SLC25A53: variants seen among roughly 807,000 people sequenced by gnomAD.
The protein encoded by SLC25A53 is mitochondrial carrier triple repeat protein 6.
Under a neutral mutation model 15.0 loss-of-function variants are expected in SLC25A53, and 5 were observed. That is an observed-to-expected ratio of 0.33 (90% confidence interval 0.17 to 0.70). The LOEUF (loss-of-function observed/expected upper bound fraction) is 0.70, where lower values mean the gene tolerates loss of function less well. Among genes scored for constraint, SLC25A53 ranks in the 30% least tolerant of loss-of-function variants. The pLI is 0.67. For synonymous variants in SLC25A53, 95 were observed against 100.0 expected (o/e 0.95, Z 0.30); for missense variants, 216 against 241.6 (o/e 0.89, Z 0.70).
Position 104,104,580 on chromosome X carries a change from G to A in SLC25A53, c.678C>T (p.Cys226=). Reference sequence around the variant, plus strand: ...GCACAATCAGAGGATACAGAACTAGGCAGGTGATTGTTCCATTGACACTAC... The same window carrying A: ...GCACAATCAGAGGATACAGAACTAGACAGGTGATTGTTCCATTGACACTAC... ...VSGSVNGTIT[C]LVLYPLIVLV... is the part of the protein sequence containing the mutation. The change falls in exon 2 of 2, where the codon TGC becomes TGT. Residue 226 remains cysteine (C), a synonymous_variant. Coordinates refer to ENST00000594199, the MANE Select transcript of SLC25A53 (RefSeq NM_001012755.5). 1 of 1,211,619 alleles carries A rather than the reference G, an allele frequency of 8.3e-7. No homozygotes were observed. Among genetic ancestry groups the A allele is most frequent in the Non-Finnish European group, 1.1e-6 (1 of 895,368 alleles).
At chrX:104,110,085 T>C (rs1216431324) in intron 1 of SLC25A53, among the ~76,000 whole-genome samples, 2 of 111,475 alleles carry the variant, frequency 1.8e-5, no homozygotes, top group Non-Finnish European at 3.8e-5. Context: ...CTTTACACAA[T>C]CCATTTCCTG....
intron 1 of SLC25A53, among the ~76,000 whole-genome samples, chrX:104,155,381 T>C (rs2075497295): frequency 9.0e-6 from 1 of 110,963 alleles, no homozygotes; most frequent in Non-Finnish European, 1.9e-5. Context: ...GAAATGTAAA[T>C]TCGGGGGTCC....
chrX:104,109,318 G>A, intron 1 of SLC25A53, among the ~76,000 whole-genome samples: 1 of 111,633 alleles, frequency 9.0e-6, no homozygotes, highest in East Asian at 2.8e-4. Flanking sequence ...AGGCAGCCCT[G>A]GGTTTGAATT....
At chrX:104,152,034 T>C (rs896671954) in intron 1 of SLC25A53, among the ~76,000 whole-genome samples, 2 of 106,189 alleles carry the variant, frequency 1.9e-5, no homozygotes, top group African/African-American at 3.3e-5. Flanking sequence ...CTTTGGAATA[T>C]GGACATGATA....
rs1398240746 is a variant in SLC25A53, at chrX:104,104,394, C to G, written c.864G>C (p.Thr288=). The G allele has an allele frequency of 8.3e-7, 1 of 1,211,500 alleles. No homozygotes were observed. The highest frequency in any genetic ancestry group is 1.1e-6 in the Non-Finnish European group (1 of 895,392). ...TCCTCTGCAGGAAGTCATGGATTGCCGTAGTGAGGCCCCATGTCACACTGG... is the reference window on the plus strand; with the variant it reads ...TCCTCTGCAGGAAGTCATGGATTGCGGTAGTGAGGCCCCATGTCACACTGG... ...LRSSVTWGLT[T]AIHDFLQRKS... The change falls in exon 2 of 2, where the codon ACG becomes ACC. Residue 288 remains threonine (T), a synonymous_variant. Coordinates refer to ENST00000594199, the MANE Select transcript of SLC25A53 (RefSeq NM_001012755.5).
chrX:104,134,365 T>C (rs1245407445), intron 1 of SLC25A53, among the ~76,000 whole-genome samples: 1 of 111,377 alleles, frequency 9.0e-6, no homozygotes, highest in Non-Finnish European at 1.9e-5. Context: ...GTGGAGACGA[T>C]AGGACAGAAA....
intron 1 of SLC25A53, chrX:104,113,946 C>A: frequency 1.2e-6 from 1 of 830,132 alleles, no homozygotes; most frequent in Non-Finnish European, 1.7e-6. Flanking sequence ...CAGACTGCTT[C>A]CCCACAGCCC....
intron 1 of SLC25A53, among the ~76,000 whole-genome samples, chrX:104,119,243 ATTC>A (rs2075386531): frequency 8.9e-6 from 1 of 112,444 alleles, no homozygotes; most frequent in Non-Finnish European, 1.9e-5. Flanking sequence ...TTATGTATTA[ATTC>A]TTCTTTAATC....
intron 1 of SLC25A53, among the ~76,000 whole-genome samples, chrX:104,144,905 G>A (rs1454765717): frequency 1.8e-5 from 2 of 111,456 alleles, no homozygotes; most frequent in East Asian, 2.8e-4. Flanking sequence ...AGATCAACGA[G>A]ACAGAAAATT....
chrX:104,130,308 C>G (rs1459930117), intron 1 of SLC25A53, among the ~76,000 whole-genome samples: 1 of 111,269 alleles, frequency 9.0e-6, no homozygotes, highest in Non-Finnish European at 1.9e-5. Context: ...CCCATTGAGC[C>G]CAGACAAGCT....
intron 1 of SLC25A53, among the ~76,000 whole-genome samples, chrX:104,116,609 C>T (rs1433030913): frequency 9.0e-6 from 1 of 111,316 alleles, no homozygotes; most frequent in Non-Finnish European, 1.9e-5. Context: ...AGGTTTCACA[C>T]AGAACCCTGG....
At chrX:104,149,177 T>A (rs891606018) in intron 1 of SLC25A53, among the ~76,000 whole-genome samples, 5 of 112,465 alleles carry the variant, frequency 4.4e-5, no homozygotes, top group African/African-American at 1.3e-4. Context: ...CTCTACCAAC[T>A]ATTTGCCTTC....
At chrX:104,126,951 A>G (rs1471323054) in intron 1 of SLC25A53, among the ~76,000 whole-genome samples, 3 of 112,595 alleles carry the variant, frequency 2.7e-5, no homozygotes, top group African/African-American at 9.7e-5. Context: ...GCAATTTCCT[A>G]TGAGACTAAA....
chrX:104,114,620 C>G (rs782792330), intron 1 of SLC25A53: 20 of 1,210,301 alleles, frequency 1.7e-5, no homozygotes, highest in Non-Finnish European at 2.1e-5. Flanking sequence ...GAGAAAGATG[C>G]AAACCAGACT....
chrX:104,142,777 TG>T (rs1191473255), intron 1 of SLC25A53, among the ~76,000 whole-genome samples: 1 of 107,947 alleles, frequency 9.3e-6, no homozygotes, highest in Non-Finnish European at 1.9e-5. Flanking sequence ...AAAAATTAAC[TG>T]GGCATGGTGG....
chrX:104,150,223 ACT>A (rs1435198265), intron 1 of SLC25A53, among the ~76,000 whole-genome samples: 2 of 102,048 alleles, frequency 2.0e-5, no homozygotes, highest in African/African-American at 7.3e-5. Flanking sequence ...ACAGAGCAAG[ACT>A]CTGTCTCAAA....
rs2075277395 is a variant in SLC25A53, at chrX:104,100,891, G to A, written c.*3443C>T. 1 of 111,562 alleles carries A rather than the reference G, an allele frequency of 9.0e-6. No individual in the cohort carries two copies. The highest frequency in any genetic ancestry group is 1.9e-5 in the Non-Finnish European group (1 of 53,158). The allele number at this position is 111,562 out of a possible 1,213,427, so 9.2% of individuals were successfully genotyped here. On this transcript the variant is annotated 3_prime_UTR_variant, in exon 2 of 2. Transcript: ENST00000594199. ...GCAATCAGTTCTGCAGCGAACACCA[G>A]CTGGGTGTACTCCAATTCCATTCTG...
At chrX:104,128,651 C>T (rs1233117286) in intron 1 of SLC25A53, among the ~76,000 whole-genome samples, 1 of 111,345 alleles carries the variant, frequency 9.0e-6, no homozygotes, top group Non-Finnish European at 1.9e-5. Flanking sequence ...TCACACTACA[C>T]TTTAAGAACC....
At chrX:104,115,244 C>A (rs1341663368) in intron 1 of SLC25A53, 2 of 1,202,096 alleles carry the variant, frequency 1.7e-6, no homozygotes, top group African/African-American at 1.7e-5. Context: ...CTGATCATCA[C>A]CCTGCAGGAG....
Sources: allele counts gnomAD v4.1 joint callset (sites outside exome capture counted in the v4.1 genomes callset), GRCh38; gene constraint gnomAD v4.1.1; transcripts MANE v1.5; gene names NCBI Gene and HGNC (gene_info 2026-07-23, HGNC 2026-07-21).